The following FBXL7 variants were observed in gnomAD, a reference collection of about 807,000 sequenced individuals.
The protein encoded by FBXL7 is F-box and leucine rich repeat protein 7.
A neutral mutation model predicts 38.3 loss-of-function variants in FBXL7; 12 were observed. The observed-to-expected ratio is 0.31, with a 90% CI of 0.20 to 0.51. The LOEUF (loss-of-function observed/expected upper bound fraction) is 0.51, where lower values mean the gene tolerates loss of function less well. FBXL7 is among the 20% of genes least tolerant of loss of function. The pLI, the probability that FBXL7 is intolerant of heterozygous loss-of-function variation, is 0.98. For missense variants in FBXL7, 567 were observed against 676.4 expected, an observed-to-expected ratio of 0.84 and a Z score of 1.79; for synonymous variants, 297 against 300.9, an observed-to-expected ratio of 0.99 and a Z score of 0.13.
At chr5:15,568,058 T>A (rs750168107) in intron 1 of FBXL7, among the ~76,000 whole-genome samples, 35 of 151,938 alleles carry the variant, frequency 2.3e-4, no homozygotes, top group Non-Finnish European at 4.1e-4. Flanking sequence ...AATAAACATA[T>A]GTGTGCATGT....
At chr5:15,853,944 C>T (rs1739177662) in intron 2 of FBXL7, among the ~76,000 whole-genome samples, 1 of 152,128 alleles carries the variant, frequency 6.6e-6, no homozygotes, top group African/African-American at 2.4e-5. Context: ...TTGATCTTTG[C>T]AAGTCTCTTA....
intron 2 of FBXL7, among the ~76,000 whole-genome samples, chr5:15,752,938 C>G (rs1399695177): frequency 6.6e-6 from 1 of 152,130 alleles, no homozygotes; most frequent in East Asian, 1.9e-4. Context: ...AGGGATTTGT[C>G]CTTAGTTTAA....
At chr5:15,743,595 G>A (rs1301969672) in intron 2 of FBXL7, among the ~76,000 whole-genome samples, 2 of 152,202 alleles carry the variant, frequency 1.3e-5, no homozygotes, top group Non-Finnish European at 2.9e-5. Context: ...GGAGCACAGT[G>A]CAAGCTGTTC....
chr5:15,762,001 C>T lies in FBXL7; in HGVS notation c.127+145929C>T, dbSNP rs554657260. 2.0e-5 allele frequency among the ~76,000 whole-genome samples: 3 copies of T among 152,282 alleles called. No individual in the cohort carries two copies. The South Asian group carries it at 6.2e-4, about 32-fold the overall frequency. On this transcript the variant is annotated intron_variant, in intron 2 of 3. Coordinates refer to ENST00000504595, the MANE Select transcript of FBXL7 (RefSeq NM_012304.5). ...TTAGCAGCATCATGCAACACACGTT[C>T]ATTATCTCACAGTTTCTGTGGGTCA... is the stretch of plus-strand genomic sequence containing the variant.
chr5:15,746,324 G>A (rs1361365251), intron 2 of FBXL7, among the ~76,000 whole-genome samples: 2 of 152,196 alleles, frequency 1.3e-5, no homozygotes, highest in African/African-American at 4.8e-5. Flanking sequence ...ACACAAAGGG[G>A]ATGTTGAAGC....
intron 2 of FBXL7, among the ~76,000 whole-genome samples, chr5:15,803,583 CCTAT>C (rs1487786896): frequency 1.3e-5 from 2 of 149,868 alleles, no homozygotes; most frequent in Admixed American, 6.7e-5. Flanking sequence ...TCTTTTCTTC[CCTAT>C]CTCTCTTTCT....
At chr5:15,830,195 G>T (rs780754888) in intron 2 of FBXL7, among the ~76,000 whole-genome samples, 10 of 152,006 alleles carry the variant, frequency 6.6e-5, no homozygotes, top group Non-Finnish European at 1.3e-4. Context: ...TGAAAACTTA[G>T]CAAGGTGGCT....
At chr5:15,546,353 G>A (rs1428102887) in intron 1 of FBXL7, among the ~76,000 whole-genome samples, 1 of 151,822 alleles carries the variant, frequency 6.6e-6, no homozygotes. Flanking sequence ...GATCACCTGA[G>A]GTCAGGAGTT....
At chr5:15,711,512 C>T (rs935360135) in intron 2 of FBXL7, among the ~76,000 whole-genome samples, 2 of 152,110 alleles carry the variant, frequency 1.3e-5, no homozygotes, top group East Asian at 3.9e-4. Flanking sequence ...TGAGATCCTG[C>T]GAGTTAGGAC....
At chr5:15,885,019 T>C (rs564187796) in intron 2 of FBXL7, among the ~76,000 whole-genome samples, 1 of 152,334 alleles carries the variant, frequency 6.6e-6, no homozygotes, top group East Asian at 1.9e-4. Context: ...TATTATCTCA[T>C]GGTTTTTGAG....
chr5:15,634,333 TTTTTA>T (rs1288164898), intron 2 of FBXL7, among the ~76,000 whole-genome samples: 1 of 145,300 alleles, frequency 6.9e-6, no homozygotes, highest in African/African-American at 2.7e-5. Flanking sequence ...TTTTTTTTTT[TTTTTA>T]AAAGACAGAG....
chr5:15,597,816 A>G (rs776292155), intron 1 of FBXL7, among the ~76,000 whole-genome samples: 6 of 152,262 alleles, frequency 3.9e-5, no homozygotes, highest in Non-Finnish European at 8.8e-5. Context: ...AAGAAAAAGA[A>G]TGAGAAAAGG....
chr5:15,880,137 A>G (rs555411447), intron 2 of FBXL7, among the ~76,000 whole-genome samples: 18 of 152,260 alleles, frequency 1.2e-4, no homozygotes, highest in African/African-American at 4.1e-4. Flanking sequence ...CACGGCTACT[A>G]TTACCTCTGG....
intron 2 of FBXL7, among the ~76,000 whole-genome samples, chr5:15,906,087 A>G (rs16867819): frequency 0.049 from 7,475 of 152,174 alleles, 576 homozygotes; most frequent in African/African-American, 0.17. Flanking sequence ...AAAAGCAAAG[A>G]TTGCCTAGAA....
At chr5:15,598,794 A>G (rs1360397734) in intron 1 of FBXL7, among the ~76,000 whole-genome samples, 3 of 152,128 alleles carry the variant, frequency 2.0e-5, no homozygotes, top group Non-Finnish European at 4.4e-5. Context: ...TTCCTGAGCA[A>G]TCACTGGGCA....
intron 2 of FBXL7, among the ~76,000 whole-genome samples, chr5:15,925,484 T>C (rs1741857039): frequency 6.6e-6 from 1 of 152,174 alleles, no homozygotes; most frequent in Non-Finnish European, 1.5e-5. Context: ...ATTGCAGCGA[T>C]AGAAAAAGGA....
intron 2 of FBXL7, among the ~76,000 whole-genome samples, chr5:15,836,428 G>C (rs186368201): frequency 2.0e-5 from 3 of 152,156 alleles, no homozygotes; most frequent in Non-Finnish European, 2.9e-5. Context: ...AGAGAGATTG[G>C]GAAGATCAGG....
chr5:15,905,254 T>C (rs1269550696), intron 2 of FBXL7, among the ~76,000 whole-genome samples: 4 of 152,226 alleles, frequency 2.6e-5, no homozygotes, highest in Non-Finnish European at 2.9e-5. Context: ...TCTAAGACAA[T>C]AAAACACTGA....
At chr5:15,789,213 T>TTG (rs1737210801) in intron 2 of FBXL7, among the ~76,000 whole-genome samples, 1 of 151,920 alleles carries the variant, frequency 6.6e-6, no homozygotes, top group Non-Finnish European at 1.5e-5. Flanking sequence ...TATCTTTTTT[T>TTG]TTGTTGTTGT....
Sources: allele counts gnomAD v4.1 joint callset (sites outside exome capture counted in the v4.1 genomes callset), GRCh38; gene constraint gnomAD v4.1.1; transcripts MANE v1.5; gene names NCBI Gene and HGNC (gene_info 2026-07-23, HGNC 2026-07-21).